GPC3: variants seen among roughly 807,000 people sequenced by gnomAD.
GPC3 encodes the protein glypican 3.
Under a neutral mutation model 34.4 loss-of-function variants are expected in GPC3, and 3 were observed. The ratio of observed to expected loss-of-function variants is 0.09; its 90% confidence interval spans 0.04 to 0.23. GPC3 has a LOEUF of 0.23. Ranked by LOEUF, GPC3 falls within the 10% of genes least tolerant of loss-of-function variation. The pLI, the probability that GPC3 is intolerant of heterozygous loss-of-function variation, is 1.00. For missense variants in GPC3, 351 were observed against 445.6 expected, an observed-to-expected ratio of 0.79 and a Z score of 1.91; for synonymous variants, 177 against 174.0, an observed-to-expected ratio of 1.02 and a Z score of -0.13.
intron 2 of GPC3, among the ~76,000 whole-genome samples, chrX:133,926,495 T>C (rs1009827680): frequency 8.9e-6 from 1 of 112,403 alleles, no homozygotes; most frequent in Non-Finnish European, 1.9e-5. Flanking sequence ...AACAATGAAC[T>C]AAACCACACT....
chrX:133,908,877 A>G, intron 2 of GPC3, among the ~76,000 whole-genome samples: 1 of 112,411 alleles, frequency 8.9e-6, no homozygotes. Context: ...TAAATTCAAG[A>G]CTTTACATCT....
chrX:133,861,611 T>A (rs1005620366), intron 2 of GPC3, among the ~76,000 whole-genome samples: 12 of 111,614 alleles, frequency 1.1e-4, no homozygotes, highest in African/African-American at 3.9e-4. Context: ...CCAAATCCCA[T>A]GTTGAAATGT....
chrX:133,814,145 A>G lies in GPC3; in HGVS notation c.338-59969T>C, dbSNP rs1036327375. 1.2e-4 allele frequency among the ~76,000 whole-genome samples: 13 copies of G among 111,342 alleles called. No homozygotes were observed. The Admixed American group carries it at 1.2e-3, about 11-fold the overall frequency. ...CACTTTCGGATGTCGAGGTCACTGG[A>G]GAAATATGTCAGTTGGCATGGTGAG... is the stretch of plus-strand genomic sequence containing the variant. On this transcript the variant is annotated intron_variant, in intron 2 of 7. Coordinates refer to ENST00000370818, the MANE Select transcript of GPC3 (RefSeq NM_004484.4).
At chrX:133,842,937 G>A (rs1259633327) in intron 2 of GPC3, among the ~76,000 whole-genome samples, 2 of 111,099 alleles carry the variant, frequency 1.8e-5, no homozygotes, top group East Asian at 5.7e-4. Context: ...CCAAGTATAG[G>A]CCAAAAAAGA....
At chrX:133,860,116 C>A (rs1021032293) in intron 2 of GPC3, among the ~76,000 whole-genome samples, 5 of 111,745 alleles carry the variant, frequency 4.5e-5, no homozygotes, top group African/African-American at 1.6e-4. Flanking sequence ...AACTCTAACA[C>A]GGGATCAGAT....
chrX:133,851,152 A>G (rs2075872279), intron 2 of GPC3, among the ~76,000 whole-genome samples: 1 of 111,687 alleles, frequency 9.0e-6, no homozygotes, highest in African/African-American at 3.3e-5. Flanking sequence ...TCATTTGTCT[A>G]AATGAACTAT....
chrX:133,580,414 T>C (rs2069722338), intron 7 of GPC3, among the ~76,000 whole-genome samples: 1 of 111,990 alleles, frequency 8.9e-6, no homozygotes, highest in East Asian at 2.8e-4. Context: ...CAAATCATTA[T>C]TGTTGTTCTC....
At chrX:133,733,764 CTG>C (rs2071484398) in intron 3 of GPC3, among the ~76,000 whole-genome samples, 1 of 111,466 alleles carries the variant, frequency 9.0e-6, no homozygotes, top group Non-Finnish European at 1.9e-5. Context: ...TTAAAAAAAA[CTG>C]TATGCCAACA....
At position 133,588,415 on chromosome X, in the gene GPC3, G is replaced by C. The variant is rs2069813524; in HGVS notation, c.1573+8025C>G. 2.7e-5 allele frequency among the ~76,000 whole-genome samples: 3 copies of C among 110,464 alleles called. No homozygotes were observed. In the Admixed American group the frequency reaches 2.9e-4, roughly 11 times the overall value. Reference sequence around the variant, plus strand: ...CAAACAAACAAACAAAAAAACCCAGGACATTTCATTTCCCTACAAGCTTTC... The same window carrying C: ...CAAACAAACAAACAAAAAAACCCAGCACATTTCATTTCCCTACAAGCTTTC... On this transcript the variant is annotated intron_variant, in intron 7 of 7. Transcript: ENST00000370818.
intron 2 of GPC3, among the ~76,000 whole-genome samples, chrX:133,770,500 G>C (rs1471100591): frequency 9.0e-6 from 1 of 111,683 alleles, no homozygotes; most frequent in Non-Finnish European, 1.9e-5. Flanking sequence ...AAGTATAAAT[G>C]CTTGATTCAG....
intron 6 of GPC3, among the ~76,000 whole-genome samples, chrX:133,606,658 A>G (rs998645563): frequency 9.0e-5 from 10 of 111,243 alleles, no homozygotes; most frequent in Non-Finnish European, 1.5e-4. Flanking sequence ...TCCTGGGCTC[A>G]AGTGATCCTC....
At chrX:133,781,876 T>C (rs2072049302) in intron 2 of GPC3, among the ~76,000 whole-genome samples, 2 of 111,916 alleles carry the variant, frequency 1.8e-5, no homozygotes, top group Non-Finnish European at 3.8e-5. Context: ...CTGAAGAAAT[T>C]TACTGTCTGG....
At chrX:133,803,669 T>C (rs1183542289) in intron 2 of GPC3, among the ~76,000 whole-genome samples, 1 of 112,166 alleles carries the variant, frequency 8.9e-6, no homozygotes, top group Non-Finnish European at 1.9e-5. Context: ...GATCTGGAGA[T>C]AACCCTTACA....
chrX:133,753,331 T>C (rs768655318), intron 3 of GPC3, 151 bp downstream of exon 3: 1 of 514,097 alleles, frequency 1.9e-6, no homozygotes, highest in African/African-American at 2.3e-5. Flanking sequence ...GTGGTCTTAA[T>C]ATGCTGCCTA....
chrX:133,584,464 A>G (rs2069764872), intron 7 of GPC3, among the ~76,000 whole-genome samples: 1 of 111,810 alleles, frequency 8.9e-6, no homozygotes, highest in African/African-American at 3.2e-5. Context: ...AATTTGTAGA[A>G]TAGCCTCTAC....
chrX:133,736,927 G>A (rs2071516131), intron 3 of GPC3, among the ~76,000 whole-genome samples: 1 of 112,104 alleles, frequency 8.9e-6, no homozygotes, highest in Admixed American at 9.4e-5. Context: ...TTAAAAAGAA[G>A]TAATGAGGTA....
chrX:133,831,439 C>A (rs183905329), intron 2 of GPC3, among the ~76,000 whole-genome samples: 1 of 112,061 alleles, frequency 8.9e-6, no homozygotes, highest in Admixed American at 9.5e-5. Context: ...TATTTAAAAA[C>A]TCAACTGTAG....
chrX:133,789,908 C>T lies in GPC3; in HGVS notation c.338-35732G>A, dbSNP rs192860614. 4.5e-5 allele frequency among the ~76,000 whole-genome samples: 5 copies of T among 112,135 alleles called. No individual in the cohort carries two copies. In the East Asian group the frequency reaches 1.1e-3, roughly 25 times the overall value. On this transcript the variant is annotated intron_variant, in intron 2 of 7. Coordinates refer to ENST00000370818, the MANE Select transcript of GPC3 (RefSeq NM_004484.4). The stretch of plus-strand genomic sequence containing the variant: ...CAGCTGAAAACTTGGGGAACTCCTA[C>T]TTAACTACTGTTTTTTTCTTTCCTT...
At chrX:133,816,160 C>T (rs1457680745) in intron 2 of GPC3, among the ~76,000 whole-genome samples, 1 of 111,191 alleles carries the variant, frequency 9.0e-6, no homozygotes, top group African/African-American at 3.3e-5. Context: ...AAGCAGTCCT[C>T]CCACCTCAGC....
Sources: allele counts gnomAD v4.1 joint callset (sites outside exome capture counted in the v4.1 genomes callset), GRCh38; gene constraint gnomAD v4.1.1; transcripts MANE v1.5; gene names NCBI Gene and HGNC (gene_info 2026-07-23, HGNC 2026-07-21).